Variants in POLE observed in about 807,000 individuals in gnomAD.
The protein encoded by POLE is DNA polymerase epsilon, catalytic subunit, also known as DNA polymerase epsilon catalytic subunit A.
Under a neutral mutation model 279.2 loss-of-function variants are expected in POLE, and 188 were observed. The ratio of observed to expected loss-of-function variants is 0.67; its 90% CI spans 0.60 to 0.76. POLE has a LOEUF of 0.76. Ranked by LOEUF, POLE falls within the 30% of genes least tolerant of loss-of-function variation. The probability of loss-of-function intolerance (pLI) is 0.00; values close to 1 mark genes in which losing one functional copy is unlikely to be tolerated. For missense variants in POLE, 2,703 were observed against 3,016.7 expected (o/e 0.90, Z 2.44); for synonymous variants, 1,214 against 1,172.5 (o/e 1.04, Z -0.72).
At chr12:132,683,106 T>C (rs1190117256) in intron 1 of POLE, among the ~76,000 whole-genome samples, 2 of 152,028 alleles carry the variant, frequency 1.3e-5, no homozygotes, top group Non-Finnish European at 2.9e-5. Flanking sequence ...TTATAACCAC[T>C]TGTGGTAGGC....
At chr12:132,654,949 T>C (rs2042501117) in intron 29 of POLE, among the ~76,000 whole-genome samples, 1 of 152,016 alleles carries the variant, frequency 6.6e-6, no homozygotes, top group Non-Finnish European at 1.5e-5. Context: ...TGGGGTGAAG[T>C]GCCTATTCAC....
chr12:132,666,492 G>T (rs1455573723), intron 20 of POLE, among the ~76,000 whole-genome samples: 1 of 152,262 alleles, frequency 6.6e-6, no homozygotes, highest in South Asian at 2.1e-4. Context: ...TGAGGCGGGA[G>T]GATCACTTGA....
At chr12:132,679,067 T>C (rs1013539194) in intron 6 of POLE, among the ~76,000 whole-genome samples, 10 of 152,210 alleles carry the variant, frequency 6.6e-5, no homozygotes, top group Non-Finnish European at 2.9e-5. Flanking sequence ...CATCCTATTA[T>C]TGTTGATGCT....
intron 41 of POLE, among the ~76,000 whole-genome samples, chr12:132,636,562 C>A (rs983119497): frequency 6.6e-6 from 1 of 151,934 alleles, no homozygotes; most frequent in Non-Finnish European, 1.5e-5. Flanking sequence ...TCAAGACCAC[C>A]CCAGGCAACG....
intron 45 of POLE, among the ~76,000 whole-genome samples, chr12:132,626,580 G>C (rs1264949882): frequency 6.6e-6 from 1 of 151,710 alleles, no homozygotes; most frequent in Non-Finnish European, 1.5e-5. Flanking sequence ...TGAAGAGAGA[G>C]AGCACTCAAC....
rs537459179 is a variant in POLE at position 132,661,801 on chromosome 12, A to C, written c.2707-117T>G. ...CAAACCGAGGCTTTTCCACATAACT[A>C]ACACGACTTGGCAGCAGGAAGGAAG... On this transcript the variant is annotated intron_variant, in intron 23 of 48. Coordinates refer to ENST00000320574, the MANE Select transcript of POLE (RefSeq NM_006231.4). The surrounding 1 kb of genome is among the most constrained non-coding windows in gnomAD (Gnocchi z 4.1). 3.0e-6 allele frequency: 3 copies of C among 994,418 alleles called. No homozygotes were observed. In the African/African-American group the frequency reaches 4.9e-5, roughly 16 times the overall value. The allele number at this position is 994,418 out of a possible 1,614,324, so 61.6% of individuals were successfully genotyped here. A position where few individuals can be genotyped will look rare whatever the true frequency, so the allele number is the denominator to read the frequency against.
At chr12:132,682,302 A>AT (rs1555230607) in intron 1 of POLE, among the ~76,000 whole-genome samples, 3 of 98,852 alleles carry the variant, frequency 3.0e-5, no homozygotes, top group African/African-American at 1.0e-4. Context: ...AAAAAAAAAA[A>AT]AATAAATAAA....
intron 29 of POLE, among the ~76,000 whole-genome samples, chr12:132,652,241 CAT>C (rs1473733869): frequency 6.6e-6 from 1 of 151,278 alleles, no homozygotes; most frequent in Non-Finnish European, 1.5e-5. Flanking sequence ...ATGTTTTTCA[CAT>C]GTGCCTTAAA....
At chr12:132,663,368 T>C (rs932366811) in intron 23 of POLE, among the ~76,000 whole-genome samples, 2 of 152,162 alleles carry the variant, frequency 1.3e-5, no homozygotes, top group Non-Finnish European at 2.9e-5. Context: ...ACCAACACGA[T>C]GCGTGTGAGA....
At chr12:132,647,212 T>C (rs1168928058) in intron 32 of POLE, among the ~76,000 whole-genome samples, 1 of 151,942 alleles carries the variant, frequency 6.6e-6, no homozygotes, top group African/African-American at 2.4e-5. Context: ...GGCAGGAGGA[T>C]TGCTTGAGCC....
At chr12:132,647,052 TC>T (rs2042301387) in intron 32 of POLE, among the ~76,000 whole-genome samples, 1 of 152,104 alleles carries the variant, frequency 6.6e-6, no homozygotes, top group African/African-American at 2.4e-5. Context: ...TCATTATACA[TC>T]ATCTTACTTA....
At chr12:132,681,382 C>T (rs2043165805) in intron 1 of POLE, 103 bp from the exon 2 acceptor site, 12 of 1,258,536 alleles carry the variant, frequency 9.5e-6, no homozygotes, top group South Asian at 2.9e-5. Flanking sequence ...CTTGCTCTGT[C>T]GCCTAGGCTG....
At chr12:132,655,284 T>C (rs954543418) in intron 29 of POLE, among the ~76,000 whole-genome samples, 1 of 152,260 alleles carries the variant, frequency 6.6e-6, no homozygotes, top group Non-Finnish European at 1.5e-5. Flanking sequence ...CTAAGTTCTA[T>C]GACTTTTTTG....
chr12:132,663,258 G>A (rs5744839), intron 23 of POLE, among the ~76,000 whole-genome samples: 104,323 of 152,190 alleles, frequency 0.69, 36,941 homozygotes, highest in African/African-American at 0.86. Flanking sequence ...AGAGCCGTAT[G>A]GGAGGGGGCA....
At chr12:132,672,522 G>A (rs996029575) in intron 15 of POLE, 105 bp downstream of exon 15, 29 of 1,283,650 alleles carry the variant, frequency 2.3e-5, no homozygotes, top group Admixed American at 1.8e-4. Flanking sequence ...GTGAGGGGCC[G>A]TGGGACAGGA....
At chr12:132,672,499 G>A in intron 15 of POLE, 128 bp downstream of exon 15, 3 of 1,136,940 alleles carry the variant, frequency 2.6e-6, no homozygotes, top group Non-Finnish European at 3.8e-6. Context: ...CTGGGCCAGA[G>A]AAGCCACACC....
chr12:132,662,566 T>C (rs1226351561), intron 23 of POLE, among the ~76,000 whole-genome samples: 1 of 152,106 alleles, frequency 6.6e-6, no homozygotes, highest in East Asian at 1.9e-4. Flanking sequence ...GCCTCCACTA[T>C]GAGAGACTGG....
At chr12:132,636,089 T>TAAA in intron 41 of POLE, 65 bp from the exon 42 acceptor site, 1 of 1,549,182 alleles carries the variant, frequency 6.5e-7, no homozygotes. Context: ...TTTCCTTTAT[T>TAAA]TCCCCTTGTA....
chr12:132,657,455 A>T, intron 27 of POLE, 26 bp from the exon 28 acceptor site: 8 of 1,606,862 alleles, frequency 5.0e-6, no homozygotes, highest in Non-Finnish European at 6.8e-6. Flanking sequence ...ACGGGCACAG[A>T]GAACAGCAGG....
Sources: allele counts gnomAD v4.1 joint callset (sites outside exome capture counted in the v4.1 genomes callset), GRCh38; gene constraint gnomAD v4.1.1; non-coding constraint Gnocchi (gnomAD v3.1); transcripts MANE v1.5; gene names NCBI Gene and HGNC (gene_info 2026-07-23, HGNC 2026-07-21).